Variants in SOS2 observed in about 807,000 individuals in gnomAD.
SOS2 encodes SOS Ras/Rho guanine nucleotide exchange factor 2.
In SOS2, 65 loss-of-function variants were observed where a neutral mutation model predicts 148.2. That is an observed-to-expected ratio of 0.44 (90% confidence interval 0.36 to 0.54). The LOEUF (loss-of-function observed/expected upper bound fraction) is 0.54. Ranked by LOEUF, SOS2 falls within the 20% of genes least tolerant of loss-of-function variation. The probability of loss-of-function intolerance (pLI) is 0.00; values close to 1 mark genes in which losing one functional copy is unlikely to be tolerated. For synonymous variants in SOS2, 539 were observed against 537.1 expected (o/e 1.00, Z -0.05); for missense variants, 1,341 against 1,590.2 (o/e 0.84, Z 2.67).
At chr14:50,145,093 C>G (rs1884426842) in intron 16 of SOS2, 77 bp downstream of exon 16, 1 of 718,744 alleles carries the variant, frequency 1.4e-6, no homozygotes, top group Non-Finnish European at 2.1e-6. Flanking sequence ...ATTAAAAAGA[C>G]AGATGATAGA....
rs373143128 is a variant in SOS2, at chr14:50,145,232, C to T, written c.2605G>A (p.Val869Ile). The T allele has an allele frequency of 1.3e-4, 208 of 1,610,334 alleles. 1 individual carries two copies. Among genetic ancestry groups the T allele is most frequent in the Middle Eastern group, 6.6e-4 (4 of 6,070 alleles). ...VFQDLNNFNG[V>I]LEIVSAVNSV... ...TTTACTGCACTGACTATCTCCAATA[C>T]GCCATTGAAATTATTCAAATCTTGA... The change falls in exon 16 of 23, where the codon GTA becomes ATA. Residue 869 changes from valine to isoleucine, a missense_variant. This residue lies in a region of SOS2 where 408 missense variants were observed against 506.6 expected (regional missense o/e 0.81). Transcript: ENST00000216373.
Position 50,119,906 on chromosome 14 carries a change from GGT to G in SOS2, c.3489+367_3489+368del, listed in dbSNP as rs565628881. On this transcript the variant is annotated intron_variant, in intron 22 of 22. Coordinates refer to ENST00000216373, the MANE Select transcript of SOS2 (RefSeq NM_006939.4). ...GGCTCACTGCAACCTCCAACTCCCA[GGT>G]TCAAGCGCTTCTCCTGCCTCAGCCT... Among the ~76,000 whole-genome samples the G allele has an allele frequency of 5.1e-3, 743 of 145,286 alleles. 6 individuals are homozygous for G. Among genetic ancestry groups the G allele is most frequent in the African/African-American group, 0.018 (688 of 38,862 alleles).
At chr14:50,193,460 C>A (rs1279106017) in intron 4 of SOS2, among the ~76,000 whole-genome samples, 1 of 152,144 alleles carries the variant, frequency 6.6e-6, no homozygotes, top group African/African-American at 2.4e-5. Flanking sequence ...ATGGTTCTTT[C>A]CTATGATCAT....
intron 9 of SOS2, 95 bp downstream of exon 9, chr14:50,161,387 G>A (rs1408279049): frequency 3.3e-6 from 3 of 918,524 alleles, no homozygotes; most frequent in Non-Finnish European, 5.0e-6. Flanking sequence ...TTTCAATAAT[G>A]TAACTATCAC....
At position 50,227,955 on chromosome 14, in the gene SOS2, A is replaced by G. The variant is rs148338976; in HGVS notation, c.87+3242T>C. Among the ~76,000 whole-genome samples the G allele has an allele frequency of 3.5e-3, 538 of 152,314 alleles. 2 individuals carry two copies. Among genetic ancestry groups the G allele is most frequent in the African/African-American group, 0.012 (515 of 41,574 alleles). On this transcript the variant is annotated intron_variant, in intron 1 of 22. Transcript: ENST00000216373. Reference sequence around the variant, plus strand: ...ACTGGCTGTGTTTCAGTACAGTGCTATGCTTGAATCTTTTATTAATTTCTA... The same window carrying G: ...ACTGGCTGTGTTTCAGTACAGTGCTGTGCTTGAATCTTTTATTAATTTCTA...
intron 14 of SOS2, among the ~76,000 whole-genome samples, chr14:50,146,883 T>C (rs1414076434): frequency 6.6e-6 from 1 of 151,734 alleles, no homozygotes; most frequent in Non-Finnish European, 1.5e-5. Flanking sequence ...GATACATAAG[T>C]ATATGCAGTT....
At chr14:50,137,268 G>A (rs17776763) in intron 18 of SOS2, among the ~76,000 whole-genome samples, 4,315 of 152,232 alleles carry the variant, frequency 0.028, 108 homozygotes, top group Admixed American at 0.091. Flanking sequence ...CAGGATGTTA[G>A]AAAAATCATC....
At position 50,145,212 on chromosome 14, in the gene SOS2, T is replaced by C. The variant is rs761442415; in HGVS notation, c.2625A>G (p.Ala875=). ...GTCTGTATACTGACACTGAATTTAC[T>C]GCACTGACTATCTCCAATACGCCAT... is the stretch of plus-strand genomic sequence containing the variant. ...NFNGVLEIVS[A]VNSVSVYRLD... is the part of the protein sequence containing the mutation. Residue 875 remains alanine (A), a synonymous_variant, in exon 16 of 23, where the codon GCA becomes GCG. Transcript: ENST00000216373. 6.2e-7 allele frequency: 1 copy of C among 1,611,014 alleles called. No homozygotes were observed. Among genetic ancestry groups the C allele is most frequent in the African/African-American group, 1.3e-5 (1 of 74,816 alleles).
At chr14:50,168,085 G>C (rs955716455) in intron 8 of SOS2, among the ~76,000 whole-genome samples, 3 of 152,166 alleles carry the variant, frequency 2.0e-5, no homozygotes, top group Non-Finnish European at 1.5e-5. Flanking sequence ...CCTCTTGAGA[G>C]AGAATAATTT....
chr14:50,130,068 T>C, intron 20 of SOS2, 66 bp from the exon 21 acceptor site: 1 of 1,012,634 alleles, frequency 9.9e-7, no homozygotes. Context: ...TTTAAATGTT[T>C]CCATAAATAA....
chr14:50,188,551 G>T lies in SOS2; in HGVS notation c.660C>A (p.Ile220=). 1 of 1,604,752 alleles carries T rather than the reference G, an allele frequency of 6.2e-7. No individual in the cohort carries two copies. Among genetic ancestry groups the T allele is most frequent in the South Asian group, 1.1e-5 (1 of 89,428 alleles). The change falls in exon 5 of 23, where the codon ATC becomes ATA. Residue 220 remains isoleucine, a synonymous_variant. Coordinates refer to ENST00000216373, the MANE Select transcript of SOS2 (RefSeq NM_006939.4). ...GAAAGGCTTCTCGAAACACTTTTAT[G>T]ATCATATTTAATTCCCGTAGATACT... The part of the protein sequence containing the change: ...ERQYLRELNM[I]IKVFREAFLS...
At chr14:50,169,593 T>C (rs1427508290) in intron 8 of SOS2, among the ~76,000 whole-genome samples, 4 of 146,118 alleles carry the variant, frequency 2.7e-5, no homozygotes, top group South Asian at 2.2e-4. Context: ...TGAGCCAAGA[T>C]TGCACCACTG....
At chr14:50,223,730 A>G (rs946784142) in intron 1 of SOS2, among the ~76,000 whole-genome samples, 1 of 151,994 alleles carries the variant, frequency 6.6e-6, no homozygotes, top group Non-Finnish European at 1.5e-5. Context: ...CTGTAGTCCC[A>G]GCTATATGGG....
chr14:50,189,344 A>AAAAAAAAAAAAAAAAAAAAAAAAAAAAC (rs1886044003), intron 4 of SOS2, among the ~76,000 whole-genome samples: 1 of 147,312 alleles, frequency 6.8e-6, no homozygotes, highest in Non-Finnish European at 1.5e-5. Flanking sequence ...AAAAAAAAAA[A>AAAAAAAAAAAAAAAAAAAAAAAAAAAAC]AAAAGCAAGC....
At chr14:50,185,311 AG>A (rs1157386987) in intron 5 of SOS2, among the ~76,000 whole-genome samples, 3 of 152,180 alleles carry the variant, frequency 2.0e-5, no homozygotes, top group African/African-American at 7.2e-5. Flanking sequence ...TAGGACACCT[AG>A]TTGGTGTACA....
intron 8 of SOS2, among the ~76,000 whole-genome samples, chr14:50,165,585 T>C (rs72681847): frequency 0.025 from 3,752 of 152,340 alleles, 59 homozygotes; most frequent in Non-Finnish European, 0.032. Flanking sequence ...TAGGCTCTTA[T>C]AATATTGTAA....
chr14:50,228,798 AG>A (rs1887456725), intron 1 of SOS2, among the ~76,000 whole-genome samples: 1 of 152,168 alleles, frequency 6.6e-6, no homozygotes, highest in African/African-American at 2.4e-5. Context: ...ACATCTTTGG[AG>A]GGGCCTTTAT....
intron 5 of SOS2, among the ~76,000 whole-genome samples, chr14:50,185,310 T>C (rs1031108486): frequency 2.0e-5 from 3 of 152,170 alleles, no homozygotes; most frequent in African/African-American, 7.2e-5. Flanking sequence ...ATAGGACACC[T>C]AGTTGGTGTA....
chr14:50,221,254 C>G (rs1566486586), intron 1 of SOS2, among the ~76,000 whole-genome samples: 1 of 151,672 alleles, frequency 6.6e-6, no homozygotes. Context: ...GCTTTTTTTC[C>G]CCTGTGAACT....
Sources: allele counts gnomAD v4.1 joint callset (sites outside exome capture counted in the v4.1 genomes callset), GRCh38; gene constraint gnomAD v4.1.1; regional missense constraint gnomAD v4.1.1; transcripts MANE v1.5; gene names NCBI Gene and HGNC (gene_info 2026-07-23, HGNC 2026-07-21).